MYOF: variants seen among roughly 807,000 people sequenced by gnomAD.
MYOF encodes the protein fer-1-like 3, myoferlin.
MYOF carries 244 observed loss-of-function variants against 284.2 expected under a neutral mutation model. The ratio of observed to expected loss-of-function variants is 0.86; its 90% CI spans 0.77 to 0.95. The LOEUF is 0.95. Among genes scored for constraint, MYOF ranks in the 40% least tolerant of loss-of-function variants. The probability of loss-of-function intolerance (pLI) is 0.00; values close to 1 mark genes in which losing one functional copy is unlikely to be tolerated. For synonymous variants in MYOF, 904 were observed against 919.7 expected (o/e 0.98, Z 0.31); for missense variants, 2,496 against 2,560.6 (o/e 0.97, Z 0.54).
At chr10:93,407,499 G>C (rs1216386141) in intron 7 of MYOF, among the ~76,000 whole-genome samples, 1 of 149,390 alleles carries the variant, frequency 6.7e-6, no homozygotes, top group African/African-American at 2.5e-5. Flanking sequence ...GGGAGGCCGA[G>C]GTGGGTGGAT....
At chr10:93,413,972 G>A (rs76853531) in intron 5 of MYOF, among the ~76,000 whole-genome samples, 7,626 of 152,042 alleles carry the variant, frequency 0.05, 258 homozygotes, top group Middle Eastern at 0.082. Flanking sequence ...TGTCCTGGGT[G>A]ACAGAGCAAG....
intron 18 of MYOF, 100 bp downstream of exon 18, chr10:93,388,930 G>A (rs1846534979): frequency 1.4e-6 from 2 of 1,437,420 alleles, no homozygotes; most frequent in Non-Finnish European, 1.9e-6. Flanking sequence ...GTCTTAGGGA[G>A]TATGAAACTT....
In MYOF at chr10:93,369,813, G is replaced by A. The variant is rs776020669; in HGVS notation, c.2458-37C>T. 3 of 1,612,078 alleles carry A rather than the reference G, an allele frequency of 1.9e-6. No individual in the cohort carries two copies. In the Admixed American group the frequency reaches 5.0e-5, roughly 27 times the overall value. ...ACAATAGCATGTGATGTTACATTAG[G>A]CACAGCAAAGACTGTGACATTAAGT... On this transcript the variant is annotated intron_variant, in intron 24 of 53. Transcript: ENST00000359263.
chr10:93,375,406 T>C (rs1481228510), intron 22 of MYOF, among the ~76,000 whole-genome samples: 1 of 152,212 alleles, frequency 6.6e-6, no homozygotes, highest in Non-Finnish European at 1.5e-5. Flanking sequence ...AATCTATGGG[T>C]GGGTCTCGAA....
At chr10:93,422,029 T>A (rs1848377797) in intron 5 of MYOF, among the ~76,000 whole-genome samples, 1 of 1,316 alleles carries the variant, frequency 7.6e-4, no homozygotes, top group African/African-American at 8.6e-4. Flanking sequence ...CCGGCAAACA[T>A]TCATTTATAG....
intron 43 of MYOF, 124 bp downstream of exon 43, chr10:93,333,097 G>A (rs1479004409): frequency 2.5e-6 from 2 of 795,228 alleles, no homozygotes; most frequent in South Asian, 3.1e-5. Flanking sequence ...CCCCTGTCTA[G>A]AATGTTTATC....
chr10:93,319,899 G>T lies in MYOF; in HGVS notation c.5571C>A (p.Ala1857=). Residue 1857 remains alanine (A), a synonymous_variant, in exon 49 of 54, where the codon GCC becomes GCA. Transcript: ENST00000359263. ...RFVFPFDYLP[A]EQLCIVAKKE... ...TTTTCGCAACGATACAGAGTTGTTC[G>T]GCTGGAAGGTAGTCAAACGGGAAAA... 1.2e-6 allele frequency: 2 copies of T among 1,614,054 alleles called. No individual in the cohort carries two copies. Among genetic ancestry groups the T allele is most frequent in the Non-Finnish European group, 1.7e-6 (2 of 1,180,008 alleles).
intron 3 of MYOF, among the ~76,000 whole-genome samples, chr10:93,439,353 C>T (rs1435881184): frequency 6.6e-6 from 1 of 152,206 alleles, no homozygotes; most frequent in African/African-American, 2.4e-5. Flanking sequence ...TGGTCACCTG[C>T]TATTTTGTTA....
At chr10:93,406,101 G>C (rs1445739747) in intron 7 of MYOF, among the ~76,000 whole-genome samples, 3 of 150,878 alleles carry the variant, frequency 2.0e-5, no homozygotes, top group African/African-American at 4.8e-5. Flanking sequence ...GGGACTACAG[G>C]TGTGTGCCAC....
intron 7 of MYOF, among the ~76,000 whole-genome samples, chr10:93,405,497 T>C (rs576660972): frequency 3.3e-5 from 5 of 152,366 alleles, no homozygotes; most frequent in African/African-American, 1.2e-4. Context: ...TTTCACTATG[T>C]TGCTCGGGCT....
Position 93,426,125 on chromosome 10 carries a change from G to T in MYOF, c.379C>A (p.Pro127Thr). 6.4e-7 allele frequency: 1 copy of T among 1,560,918 alleles called. No individual in the cohort carries two copies. Among genetic ancestry groups the T allele is most frequent in the African/African-American group, 1.4e-5 (1 of 73,766 alleles). ...AGGTCATTTGGATGTGGAGCAGAAG[G>T]CGGATCATAGCCGATCACCAAGTCA... ...TIDLVIGYDP[P>T]SAPHPNDLSG... The change falls in exon 5 of 54, where the codon CCT becomes ACT. Residue 127 changes from proline (P) to threonine (T), a missense_variant. Coordinates refer to ENST00000359263, the MANE Select transcript of MYOF (RefSeq NM_013451.4).
rs1185999632 is a variant in MYOF at position 93,435,764 on chromosome 10, C to G, written c.237-4248G>C. On this transcript the variant is annotated intron_variant, in intron 3 of 53. Coordinates refer to ENST00000359263, the MANE Select transcript of MYOF (RefSeq NM_013451.4). ...TCACTTGAGTCCAAGGAGCTCCAGA[C>G]CAGCCTTGGCACACACAAAAAATGA... Among the ~76,000 whole-genome samples the G allele has an allele frequency of 2.6e-5, 4 of 152,154 alleles. No individual in the cohort carries two copies. The East Asian group carries it at 7.7e-4, about 29-fold the overall frequency.
Position 93,389,056 on chromosome 10 carries a change from G to A in MYOF, c.1555C>T (p.Pro519Ser). The change falls in exon 18 of 54, where the codon CCC (proline) becomes TCC (serine). Residue 519 changes from proline to serine, a missense_variant. By Grantham distance (74) the Pro-to-Ser change is moderately conservative. Around this residue, in one of 3 missense-constraint regions of MYOF, gnomAD observed 2,436 missense variants for 2,480.7 expected, o/e 0.98. Coordinates refer to ENST00000359263, the MANE Select transcript of MYOF (RefSeq NM_013451.4). ...SPREYTGFPDPYDELNTGKGE... is the reference protein window; with the variant it reads ...SPREYTGFPDSYDELNTGKGE... ...TTTCCAGTATTCAGCTCATCATAGG[G>A]GTCTGGGAATCCCGTGTACTCTCTG... is the stretch of plus-strand genomic sequence containing the variant. 6.2e-7 allele frequency: 1 copy of A among 1,614,070 alleles called. No homozygotes were observed. Among genetic ancestry groups the A allele is most frequent in the Non-Finnish European group, 8.5e-7 (1 of 1,179,998 alleles).
intron 1 of MYOF, among the ~76,000 whole-genome samples, chr10:93,480,139 T>G (rs1285388607): frequency 5.9e-5 from 9 of 152,190 alleles, no homozygotes; most frequent in Non-Finnish European, 5.9e-5. Context: ...GTCTCTATTA[T>G]GTAACTGCTT....
chr10:93,409,064 G>C, intron 6 of MYOF, 149 bp from the exon 7 acceptor site: 2 of 1,213,922 alleles, frequency 1.6e-6, no homozygotes, highest in Admixed American at 4.7e-5. Flanking sequence ...TACCAATTGG[G>C]TGGAGCCACC....
At chr10:93,396,380 G>A (rs544889668) in intron 15 of MYOF, among the ~76,000 whole-genome samples, 156 bp from the exon 16 acceptor site, 8 of 152,084 alleles carry the variant, frequency 5.3e-5, no homozygotes, top group Non-Finnish European at 1.0e-4. Flanking sequence ...AAACTTTATT[G>A]TACTTAGTAA....
intron 5 of MYOF, among the ~76,000 whole-genome samples, chr10:93,416,924 T>C (rs1281534257): frequency 6.6e-6 from 1 of 152,138 alleles, no homozygotes; most frequent in African/African-American, 2.4e-5. Flanking sequence ...AATAGAATCA[T>C]AGAACTTCGG....
intron 37 of MYOF, among the ~76,000 whole-genome samples, chr10:93,346,049 T>C (rs1844171195): frequency 1.3e-5 from 2 of 152,180 alleles, no homozygotes; most frequent in Non-Finnish European, 2.9e-5. Flanking sequence ...GCCAGGAAAG[T>C]GGTTTCTCTC....
intron 45 of MYOF, 88 bp downstream of exon 45, chr10:93,328,675 G>T: frequency 7.3e-7 from 1 of 1,363,196 alleles, no homozygotes; most frequent in Non-Finnish European, 1.0e-6. Flanking sequence ...TTAGGGTACT[G>T]GCTCTGTCTA....
Sources: allele counts gnomAD v4.1 joint callset (sites outside exome capture counted in the v4.1 genomes callset), GRCh38; gene constraint gnomAD v4.1.1; regional missense constraint gnomAD v4.1.1; transcripts MANE v1.5; gene names NCBI Gene and HGNC (gene_info 2026-07-23, HGNC 2026-07-21).